Variants in SRPK2 observed in about 807,000 individuals in gnomAD.
SRPK2 encodes SFRS protein kinase 2.
SRPK2 carries 21 observed loss-of-function variants against 90.8 expected under a neutral mutation model. The ratio of observed to expected loss-of-function variants is 0.23; its 90% CI spans 0.16 to 0.33. SRPK2 has a LOEUF of 0.33. SRPK2 is among the 10% of genes least tolerant of loss of function. The probability of loss-of-function intolerance (pLI) is 1.00; values close to 1 mark genes in which losing one functional copy is unlikely to be tolerated. For synonymous variants in SRPK2, 288 were observed against 311.1 expected, an observed-to-expected ratio of 0.93 and a Z score of 0.78; for missense variants, 620 against 869.0, an observed-to-expected ratio of 0.71 and a Z score of 3.60.
At chr7:105,277,163 G>A (rs1165944202) in intron 2 of SRPK2, among the ~76,000 whole-genome samples, 4 of 151,864 alleles carry the variant, frequency 2.6e-5, no homozygotes, top group South Asian at 4.2e-4. Flanking sequence ...TGCAAGCTCC[G>A]CCTCCCGGGT....
chr7:105,234,003 TAAAAC>T (rs1799835647), intron 2 of SRPK2, among the ~76,000 whole-genome samples: 1 of 152,036 alleles, frequency 6.6e-6, no homozygotes, highest in African/African-American at 2.4e-5. Flanking sequence ...AATATTAAAA[TAAAAC>T]TAATTTCATT....
At chr7:105,177,292 GA>G (rs958769442) in intron 3 of SRPK2, among the ~76,000 whole-genome samples, 6 of 150,694 alleles carry the variant, frequency 4.0e-5, no homozygotes, top group Non-Finnish European at 7.4e-5. Context: ...TTTCTTCACT[GA>G]AAAAAAAATT....
intron 2 of SRPK2, among the ~76,000 whole-genome samples, chr7:105,329,825 T>C (rs1310769437): frequency 6.6e-6 from 1 of 151,116 alleles, no homozygotes; most frequent in Non-Finnish European, 1.5e-5. Context: ...AGGCCAAGAG[T>C]TCGAGACCAG....
chr7:105,268,665 T>A, intron 2 of SRPK2: 1 of 921,204 alleles, frequency 1.1e-6, no homozygotes, highest in Non-Finnish European at 1.5e-6. Flanking sequence ...CTTGCCCCAA[T>A]ACACATCTTC....
At chr7:105,323,037 A>G (rs1216449752) in intron 2 of SRPK2, among the ~76,000 whole-genome samples, 2 of 152,136 alleles carry the variant, frequency 1.3e-5, no homozygotes, top group African/African-American at 2.4e-5. Context: ...TGTCTCTACT[A>G]AAAATACAAA....
chr7:105,296,540 T>C (rs992372998), intron 2 of SRPK2, among the ~76,000 whole-genome samples: 2 of 152,110 alleles, frequency 1.3e-5, no homozygotes, highest in African/African-American at 4.8e-5. Flanking sequence ...AAAATTCAAA[T>C]GTATAATAAA....
upstream of SRPK2, chr7:105,389,025 CCCCAGCGCCGCGCG>C (rs1196816544): frequency 9.0e-4 from 859 of 956,934 alleles, 1 homozygote; most frequent in East Asian, 2.0e-3. Context: ...GGGGTCGGGA[CCCCAGCGCCGCGCG>C]CCCAGCGCCC....
chr7:105,377,807 T>G (rs1022339144), intron 2 of SRPK2, among the ~76,000 whole-genome samples: 6 of 152,102 alleles, frequency 3.9e-5, no homozygotes, highest in Admixed American at 2.0e-4. Flanking sequence ...ACCCATAAAT[T>G]TAGCTAATTC....
intron 5 of SRPK2, among the ~76,000 whole-genome samples, 195 bp from the exon 6 acceptor site, chr7:105,167,659 G>A (rs1042136362): frequency 6.6e-6 from 1 of 151,920 alleles, no homozygotes; most frequent in Non-Finnish European, 1.5e-5. Flanking sequence ...CGCCCAGTCT[G>A]GAGTGCAGTG....
chr7:105,259,636 T>C (rs1050706193), intron 2 of SRPK2, among the ~76,000 whole-genome samples: 3 of 152,146 alleles, frequency 2.0e-5, no homozygotes, highest in Non-Finnish European at 4.4e-5. Flanking sequence ...CTTCAAACTA[T>C]ACTACAAGGC....
At chr7:105,140,989 A>T (rs751323018) in intron 11 of SRPK2, among the ~76,000 whole-genome samples, 18 of 152,100 alleles carry the variant, frequency 1.2e-4, no homozygotes, top group Non-Finnish European at 2.1e-4. Context: ...TTCAAGTAAG[A>T]GAAAAATTGA....
chr7:105,261,843 AAGG>A (rs1208047638), intron 2 of SRPK2, among the ~76,000 whole-genome samples: 1 of 152,166 alleles, frequency 6.6e-6, no homozygotes, highest in African/African-American at 2.4e-5. Flanking sequence ...AAATGCTACA[AAGG>A]AGAAGTACAT....
At chr7:105,340,426 G>GA (rs1489942925) in intron 2 of SRPK2, among the ~76,000 whole-genome samples, 1 of 136,346 alleles carries the variant, frequency 7.3e-6, no homozygotes, top group Non-Finnish European at 1.5e-5. Context: ...TTTTGAGACA[G>GA]GTCTTGCTCT....
intron 2 of SRPK2, among the ~76,000 whole-genome samples, chr7:105,293,224 G>A (rs1251109589): frequency 6.6e-6 from 1 of 151,972 alleles, no homozygotes; most frequent in Non-Finnish European, 1.5e-5. Flanking sequence ...CTTGAACCAG[G>A]GAGGTGGAGG....
chr7:105,249,991 G>GC (rs1802258518), intron 2 of SRPK2, among the ~76,000 whole-genome samples: 1 of 152,112 alleles, frequency 6.6e-6, no homozygotes, highest in Non-Finnish European at 1.5e-5. Context: ...GCCTCTCAAA[G>GC]CATGACCATT....
intron 3 of SRPK2, among the ~76,000 whole-genome samples, chr7:105,187,982 A>C (rs1191386872): frequency 6.6e-6 from 1 of 152,226 alleles, no homozygotes; most frequent in African/African-American, 2.4e-5. Context: ...ATAATCTGAC[A>C]GCTCCTTAAG....
At chr7:105,188,329 A>AG (rs1366419715) in intron 3 of SRPK2, among the ~76,000 whole-genome samples, 1 of 151,970 alleles carries the variant, frequency 6.6e-6, no homozygotes, top group Non-Finnish European at 1.5e-5. Flanking sequence ...AGGGTTGTAG[A>AG]GGGGAGGAGA....
At chr7:105,243,302 C>T (rs1193894103) in intron 2 of SRPK2, among the ~76,000 whole-genome samples, 1 of 152,128 alleles carries the variant, frequency 6.6e-6, no homozygotes, top group African/African-American at 2.4e-5. Flanking sequence ...CAATGCACCC[C>T]GCCTACATTC....
chr7:105,252,419 AAAAG>A (rs2078257141), intron 2 of SRPK2, among the ~76,000 whole-genome samples: 1 of 152,212 alleles, frequency 6.6e-6, no homozygotes, highest in Non-Finnish European at 1.5e-5. Context: ...TCTAAATTTA[AAAAG>A]AAAGGTTAAA....
Sources: allele counts gnomAD v4.1 joint callset (sites outside exome capture counted in the v4.1 genomes callset), GRCh38; gene constraint gnomAD v4.1.1; transcripts MANE v1.5; gene names NCBI Gene and HGNC (gene_info 2026-07-23, HGNC 2026-07-21).